USP12: variants seen among roughly 807,000 people sequenced by gnomAD.
USP12 encodes the protein ubiquitin carboxyl-terminal hydrolase 12.
USP12 carries 19 observed loss-of-function variants against 45.5 expected under a neutral mutation model. The observed-to-expected ratio is 0.42, with a 90% CI of 0.29 to 0.61. USP12 has a LOEUF of 0.61. USP12 is among the 20% of genes least tolerant of loss of function. The pLI is 0.22. For synonymous variants in USP12, 149 were observed against 148.8 expected (o/e 1.00, Z -0.01); for missense variants, 242 against 447.7 (o/e 0.54, Z 4.15).
chr13:27,142,923 T>C (rs1349094018), intron 1 of USP12, among the ~76,000 whole-genome samples: 2 of 151,932 alleles, frequency 1.3e-5, no homozygotes, highest in East Asian at 1.9e-4. Flanking sequence ...TGAAACCCCA[T>C]CTCTACTAAA....
chr13:27,160,795 TCCC>T (rs1387804682), intron 1 of USP12, among the ~76,000 whole-genome samples: 1 of 150,462 alleles, frequency 6.6e-6, no homozygotes, highest in Non-Finnish European at 1.5e-5. Context: ...TTTTTTTTTT[TCCC>T]CCTTCAACCT....
At chr13:27,092,526 C>A (rs80162477) in intron 4 of USP12, among the ~76,000 whole-genome samples, 2 of 152,094 alleles carry the variant, frequency 1.3e-5, no homozygotes, top group Admixed American at 1.3e-4. Context: ...ATATACGGAC[C>A]AACAGGACAG....
intron 1 of USP12, among the ~76,000 whole-genome samples, chr13:27,122,841 C>T (rs1351097211): frequency 6.6e-6 from 1 of 152,014 alleles, no homozygotes; most frequent in East Asian, 1.9e-4. Flanking sequence ...TGTCTGTAAT[C>T]CCAGCACTTT....
chr13:27,103,605 AAAAAT>A (rs1168487194), intron 3 of USP12, among the ~76,000 whole-genome samples: 3 of 69,622 alleles, frequency 4.3e-5, no homozygotes, highest in East Asian at 8.9e-4. Context: ...TATCAAAAAA[AAAAAT>A]AATAATAATA....
rs147486925 is a variant in USP12, at chr13:27,162,131, A to T, written c.48+9461T>A. Among the ~76,000 whole-genome samples, 1,288 of 152,240 alleles carry T rather than the reference A, an allele frequency of 8.5e-3. 13 individuals carry two copies. The highest frequency in any genetic ancestry group is 0.024 in the Middle Eastern group (7 of 294). On this transcript the variant is annotated intron_variant, in intron 1 of 8. Transcript: ENST00000282344. ...AGGGCATGGAGTCTTACCAACAATG[A>T]CCATGTAAGGGTGATGTTGATATGT...
chr13:27,132,622 C>G (rs145920106), intron 1 of USP12, among the ~76,000 whole-genome samples: 1 of 152,294 alleles, frequency 6.6e-6, no homozygotes, highest in Non-Finnish European at 1.5e-5. Context: ...AGGGTTTCCT[C>G]TGCATTTGCG....
chr13:27,167,273 T>A (rs7318807), intron 1 of USP12, among the ~76,000 whole-genome samples: 10,247 of 149,274 alleles, frequency 0.069, 427 homozygotes, highest in African/African-American at 0.11. Context: ...AAAAAAAAAA[T>A]AAAATAAATA....
chr13:27,089,256 A>G (rs1398416115), intron 6 of USP12, among the ~76,000 whole-genome samples: 1 of 152,194 alleles, frequency 6.6e-6, no homozygotes, highest in Non-Finnish European at 1.5e-5. Flanking sequence ...CTGGATTTGG[A>G]TGGATGTGCA....
intron 1 of USP12, among the ~76,000 whole-genome samples, chr13:27,169,322 A>G (rs1450202903): frequency 1.3e-5 from 2 of 152,170 alleles, no homozygotes; most frequent in Non-Finnish European, 2.9e-5. Context: ...GCCAGACAAG[A>G]AGGATACGGG....
chr13:27,157,282 T>C (rs542487640), intron 1 of USP12, among the ~76,000 whole-genome samples: 39 of 152,268 alleles, frequency 2.6e-4, no homozygotes, highest in Admixed American at 6.5e-4. Flanking sequence ...TTACATACAT[T>C]AAGCTAAAAA....
chr13:27,115,036 A>C (rs1050769148), intron 2 of USP12, among the ~76,000 whole-genome samples: 1 of 152,128 alleles, frequency 6.6e-6, no homozygotes, highest in Non-Finnish European at 1.5e-5. Flanking sequence ...CATAATTCAC[A>C]ATGTTCACCA....
At chr13:27,135,542 A>C (rs1211966492) in intron 1 of USP12, among the ~76,000 whole-genome samples, 1 of 152,034 alleles carries the variant, frequency 6.6e-6, no homozygotes, top group African/African-American at 2.4e-5. Flanking sequence ...GTGAAACTCC[A>C]TCTCTGCAAA....
chr13:27,070,346 G>A (rs1265978749), intron 8 of USP12, among the ~76,000 whole-genome samples: 2 of 151,964 alleles, frequency 1.3e-5, no homozygotes, highest in Non-Finnish European at 2.9e-5. Context: ...AAGGGGGCCT[G>A]CTGCGGTGTT....
intron 3 of USP12, among the ~76,000 whole-genome samples, chr13:27,101,737 A>G (rs1467422273): frequency 1.3e-5 from 2 of 152,218 alleles, no homozygotes; most frequent in Admixed American, 1.3e-4. Context: ...CATTACACAA[A>G]ATACCATTTA....
chr13:27,139,879 G>A (rs1405520766), intron 1 of USP12, among the ~76,000 whole-genome samples: 1 of 152,170 alleles, frequency 6.6e-6, no homozygotes, highest in Non-Finnish European at 1.5e-5. Context: ...TACAGAAAGG[G>A]AAACAGAGTT....
intron 8 of USP12, among the ~76,000 whole-genome samples, chr13:27,070,288 G>T (rs1218164589): frequency 6.6e-6 from 1 of 152,176 alleles, no homozygotes; most frequent in African/African-American, 2.4e-5. Flanking sequence ...GCAGGCTCCA[G>T]GAGGGTAGAG....
chr13:27,117,691 T>C (rs561261091), intron 1 of USP12: 159 of 516,424 alleles, frequency 3.1e-4, no homozygotes, highest in African/African-American at 2.6e-3. Context: ...CCTGAGTGAG[T>C]GCTGGAAGAG....
intron 2 of USP12, among the ~76,000 whole-genome samples, chr13:27,106,467 T>C (rs1003714661): frequency 6.6e-5 from 10 of 152,158 alleles, no homozygotes; most frequent in Non-Finnish European, 1.3e-4. Flanking sequence ...TTCATAAATA[T>C]GTATTGCCTT....
At chr13:27,117,859 G>A (rs1015629524) in intron 1 of USP12, 9 of 517,258 alleles carry the variant, frequency 1.7e-5, no homozygotes, top group South Asian at 4.2e-5. Flanking sequence ...AAAGGGAGGG[G>A]GAGAAATGTG....
Sources: allele counts gnomAD v4.1 joint callset (sites outside exome capture counted in the v4.1 genomes callset), GRCh38; gene constraint gnomAD v4.1.1; transcripts MANE v1.5; gene names NCBI Gene and HGNC (gene_info 2026-07-23, HGNC 2026-07-21).